ADAMTS20: variants seen among roughly 807,000 people sequenced by gnomAD.
ADAMTS20 encodes the protein A disintegrin and metalloproteinase with thrombospondin motifs 20.
In ADAMTS20, 225 loss-of-function variants were observed where a neutral mutation model predicts 260.1. The observed-to-expected ratio is 0.87, with a 90% confidence interval of 0.78 to 0.97. The LOEUF (loss-of-function observed/expected upper bound fraction) is 0.97. Ranked by LOEUF, ADAMTS20 falls within the 50% of genes least tolerant of loss-of-function variation. ADAMTS20 has a pLI of 0.00. For missense variants in ADAMTS20, 2,400 were observed against 2,337.7 expected, an observed-to-expected ratio of 1.03 and a Z score of -0.55; for synonymous variants, 802 against 769.5, an observed-to-expected ratio of 1.04 and a Z score of -0.70.
intron 25 of ADAMTS20, 31 bp from the exon 26 acceptor site, chr12:43,428,562 C>T (rs1941379849): frequency 1.9e-6 from 3 of 1,555,256 alleles, no homozygotes; most frequent in Non-Finnish European, 2.6e-6. Context: ...TGGTAATATA[C>T]AACATTAATT....
chr12:43,528,368 A>C (rs999180132), intron 3 of ADAMTS20, among the ~76,000 whole-genome samples: 6 of 148,552 alleles, frequency 4.0e-5, no homozygotes, highest in African/African-American at 7.4e-5. Context: ...AAAAAAAAAA[A>C]AAAAAACACA....
rs1462283023 is a variant in ADAMTS20, at chr12:43,427,467, G to A, written c.3948C>T (p.Cys1316=). The change falls in exon 27 of 39, where the codon TGC becomes TGT. Residue 1316 remains cysteine (C), a splice_region_variant and synonymous_variant. Coordinates refer to ENST00000389420, the MANE Select transcript of ADAMTS20 (RefSeq NM_025003.5). The part of the protein sequence containing the change: ...NQWRTGPWGS[C]SSSCSGGLQH... ...GAAGACCTCCAGAACAACTGCTGGA[G>A]CACTGACAAGAATAAAACACAAAAT... 1 of 1,606,050 alleles carries A rather than the reference G, an allele frequency of 6.2e-7. No homozygotes were observed. The highest frequency in any genetic ancestry group is 8.5e-7 in the Non-Finnish European group (1 of 1,177,232).
intron 3 of ADAMTS20, among the ~76,000 whole-genome samples, chr12:43,527,648 T>C (rs1209408457): frequency 1.3e-5 from 2 of 152,004 alleles, no homozygotes; most frequent in Non-Finnish European, 2.9e-5. Context: ...CTCTTTATGC[T>C]AAAATCCCTC....
At chr12:43,372,115 A>C (rs1940120948) in intron 36 of ADAMTS20, among the ~76,000 whole-genome samples, 1 of 152,228 alleles carries the variant, frequency 6.6e-6, no homozygotes, top group African/African-American at 2.4e-5. Flanking sequence ...TTAGGGTAGC[A>C]ATCCAAGCTG....
At chr12:43,377,596 C>A in intron 31 of ADAMTS20, 34 bp from the exon 32 acceptor site, 1 of 1,567,928 alleles carries the variant, frequency 6.4e-7, no homozygotes, top group South Asian at 1.2e-5. Context: ...AAGAAAATGT[C>A]ATTAACTTTA....
At position 43,401,917 on chromosome 12, in the gene ADAMTS20, C is replaced by T. The variant is rs150032621; in HGVS notation, c.4285-2684G>A. Among the ~76,000 whole-genome samples, 1,041 of 151,862 alleles carry T rather than the reference C, an allele frequency of 6.9e-3. 6 individuals carry two copies. The highest frequency in any genetic ancestry group is 0.012 in the Admixed American group (184 of 15,216). On this transcript the variant is annotated intron_variant, in intron 28 of 38. Coordinates refer to ENST00000389420, the MANE Select transcript of ADAMTS20 (RefSeq NM_025003.5). ...TCTCTTTAAGTATAATTGCTTTCTC[C>T]TTAATGTGACACATTCGCTCAAAAA...
intron 11 of ADAMTS20, 28 bp downstream of exon 11, chr12:43,462,867 A>G (rs906153881): frequency 5.2e-6 from 8 of 1,546,386 alleles, no homozygotes; most frequent in Admixed American, 3.7e-5. Context: ...ATATCTTCAT[A>G]CAAGACTCAC....
At chr12:43,386,336 G>A (rs1940476928) in intron 29 of ADAMTS20, among the ~76,000 whole-genome samples, 1 of 152,172 alleles carries the variant, frequency 6.6e-6, no homozygotes, top group Admixed American at 6.5e-5. Flanking sequence ...GGCTTGTAGG[G>A]TTTCTGCAGA....
At chr12:43,458,606 A>T (rs1218898374) in intron 11 of ADAMTS20, among the ~76,000 whole-genome samples, 9 of 152,170 alleles carry the variant, frequency 5.9e-5, no homozygotes, top group Admixed American at 2.0e-4. Context: ...AACTTCATAT[A>T]ATGTCTGTCC....
intron 11 of ADAMTS20, among the ~76,000 whole-genome samples, chr12:43,457,920 T>C (rs1254797362): frequency 6.6e-6 from 1 of 152,226 alleles, no homozygotes; most frequent in Non-Finnish European, 1.5e-5. Flanking sequence ...TTTGAGTAAA[T>C]ATGCAGTTCT....
intron 4 of ADAMTS20, among the ~76,000 whole-genome samples, chr12:43,497,738 G>T (rs1942697526): frequency 6.6e-6 from 1 of 152,016 alleles, no homozygotes; most frequent in South Asian, 2.1e-4. Context: ...TCAATGTAAT[G>T]CAAATGAGGG....
rs193205675 is a variant in ADAMTS20 at position 43,509,435 on chromosome 12, T to C, written c.614-7030A>G. On this transcript the variant is annotated intron_variant, in intron 3 of 38. Transcript: ENST00000389420. ...ATAAGAGAACATTCTATACAACTCT[T>C]TGGCAAAGTAATTGAACAATTTAGA... 2.0e-4 allele frequency among the ~76,000 whole-genome samples: 31 copies of C among 152,188 alleles called. No homozygotes were observed. The South Asian group carries it at 3.5e-3, about 17-fold the overall frequency.
chr12:43,358,126 C>A (rs982084775), intron 37 of ADAMTS20, among the ~76,000 whole-genome samples: 1 of 152,166 alleles, frequency 6.6e-6, no homozygotes, highest in African/African-American at 2.4e-5. Context: ...TTGGGCCATG[C>A]AACCTAATAC....
intron 8 of ADAMTS20, among the ~76,000 whole-genome samples, chr12:43,467,728 T>C (rs1942180547): frequency 6.6e-6 from 1 of 152,128 alleles, no homozygotes; most frequent in Non-Finnish European, 1.5e-5. Context: ...AGTGTGTAGC[T>C]TGTTGATGAT....
At position 43,551,987 on chromosome 12, in the gene ADAMTS20, C is replaced by T. The variant is rs1443943021; in HGVS notation, c.-66G>A. 3.6e-6 allele frequency: 5 copies of T among 1,405,264 alleles called. No individual in the cohort carries two copies. Among genetic ancestry groups the T allele is most frequent in the Non-Finnish European group, 5.0e-6 (5 of 996,648 alleles). 87.0% of individuals were successfully genotyped at this position (1,405,264 alleles called of 1,614,324 possible). ...GCCGCCGGCAGCCAAGCCGGCTTCC[C>T]TCGCGCTCCGATCCCTCTCCTCCCT... On this transcript the variant is annotated 5_prime_UTR_variant, in exon 1 of 39. Coordinates refer to ENST00000389420, the MANE Select transcript of ADAMTS20 (RefSeq NM_025003.5). The surrounding 1 kb of genome is among the most constrained non-coding windows in gnomAD (Gnocchi z 4.6).
At chr12:43,451,526 C>T (rs534084176) in intron 14 of ADAMTS20, among the ~76,000 whole-genome samples, 1 of 152,182 alleles carries the variant, frequency 6.6e-6, no homozygotes, top group South Asian at 2.1e-4. Flanking sequence ...ATCTGCTAGT[C>T]CCTAACTCCA....
chr12:43,482,141 C>G (rs1942451909), intron 7 of ADAMTS20, among the ~76,000 whole-genome samples: 2 of 152,338 alleles, frequency 1.3e-5, no homozygotes, highest in South Asian at 4.1e-4. Flanking sequence ...CATTTCTGAT[C>G]CATTCTCACA....
At position 43,422,455 on chromosome 12, in the gene ADAMTS20, T is replaced by C. The variant is rs958192875; in HGVS notation, c.4284+3059A>G. On this transcript the variant is annotated intron_variant, in intron 28 of 38. Transcript: ENST00000389420. ...CACTGAAAGAGGTAAAATGTTATAT[T>C]TGGTATTGACAACAGAACTTCAGAT... Among the ~76,000 whole-genome samples, 4 of 151,970 alleles carry C rather than the reference T, an allele frequency of 2.6e-5. No individual in the cohort carries two copies. In the South Asian group the frequency reaches 8.3e-4, roughly 31 times the overall value.
intron 16 of ADAMTS20, among the ~76,000 whole-genome samples, chr12:43,440,298 G>A (rs898902090): frequency 6.6e-6 from 1 of 151,902 alleles, no homozygotes; most frequent in Non-Finnish European, 1.5e-5. Context: ...ACAGGCATGC[G>A]CCACCACGCC....
Sources: gnomAD v4.1 joint callset for allele counts (sites outside exome capture counted in the v4.1 genomes callset) on GRCh38, gnomAD v4.1.1 for gene constraint, Gnocchi (gnomAD v3.1) non-coding constraint, MANE v1.5 for transcripts, NCBI Gene and HGNC (gene_info 2026-07-23, HGNC 2026-07-21) for gene names.